EYA2: variants seen among roughly 807,000 people sequenced by gnomAD.
EYA2 encodes protein phosphatase EYA2.
EYA2 carries 31 observed loss-of-function variants against 69.2 expected under a neutral mutation model. That is an observed-to-expected ratio of 0.45 (90% confidence interval 0.34 to 0.60). The LOEUF is 0.60. EYA2 is among the 20% of genes least tolerant of loss of function. The pLI, the probability that EYA2 is intolerant of heterozygous loss-of-function variation, is 0.02. For synonymous variants in EYA2, 257 were observed against 279.4 expected (o/e 0.92, Z 0.80); for missense variants, 622 against 701.2 (o/e 0.89, Z 1.28).
At chr20:46,931,656 C>T (rs1163113847) in intron 1 of EYA2, among the ~76,000 whole-genome samples, 5 of 152,164 alleles carry the variant, frequency 3.3e-5, no homozygotes, top group Non-Finnish European at 7.4e-5. Flanking sequence ...TTCACATACT[C>T]AGACCTGGAA....
chr20:46,968,174 C>A (rs936461051), intron 1 of EYA2, among the ~76,000 whole-genome samples: 2 of 152,168 alleles, frequency 1.3e-5, no homozygotes, highest in Admixed American at 1.3e-4. Flanking sequence ...GTCCTGTGAC[C>A]CTAGGGGGAG....
intron 5 of EYA2, among the ~76,000 whole-genome samples, chr20:47,044,566 G>A (rs946386738): frequency 2.0e-5 from 3 of 152,176 alleles, no homozygotes; most frequent in Non-Finnish European, 4.4e-5. Flanking sequence ...AGGTGGTCAG[G>A]CTGGGTCTCA....
chr20:47,073,451 C>T (rs887243461), intron 6 of EYA2, among the ~76,000 whole-genome samples: 4 of 151,334 alleles, frequency 2.6e-5, no homozygotes, highest in African/African-American at 4.9e-5. Context: ...GTTTGTGTGT[C>T]GTGTGGGTGT....
intron 5 of EYA2, among the ~76,000 whole-genome samples, chr20:47,067,316 C>T (rs775944935): frequency 6.6e-6 from 1 of 151,998 alleles, no homozygotes; most frequent in Admixed American, 6.6e-5. Flanking sequence ...AACAGATGAC[C>T]TCGAATGGAA....
chr20:47,172,670 C>G, intron 11 of EYA2, 37 bp from the exon 12 acceptor site: 1 of 1,567,902 alleles, frequency 6.4e-7, no homozygotes, highest in Non-Finnish European at 8.7e-7. Context: ...CTGCACCCCC[C>G]TGCACTAACA....
intron 1 of EYA2, among the ~76,000 whole-genome samples, chr20:46,954,641 G>A (rs1979007014): frequency 6.6e-6 from 1 of 152,164 alleles, no homozygotes; most frequent in South Asian, 2.1e-4. Flanking sequence ...AACATAAACA[G>A]ATGCTCCTTC....
rs111495475 is a variant in EYA2, at chr20:46,927,321, C to T, written c.-11+32334C>T. 7.8e-3 allele frequency among the ~76,000 whole-genome samples: 1,192 copies of T among 152,304 alleles called. 22 individuals carry two copies. The highest frequency in any genetic ancestry group is 0.027 in the African/African-American group (1,128 of 41,564). On this transcript the variant is annotated intron_variant, in intron 1 of 15. Transcript: ENST00000327619. Reference sequence around the variant, plus strand: ...GGACAGTGTGACATATGAGCCCCGCCGGGATCTCCCGCTGCAGCAGCGAGG... The same window carrying T: ...GGACAGTGTGACATATGAGCCCCGCTGGGATCTCCCGCTGCAGCAGCGAGG...
chr20:46,968,692 G>A (rs1049445582), intron 1 of EYA2, among the ~76,000 whole-genome samples: 5 of 151,956 alleles, frequency 3.3e-5, no homozygotes, highest in South Asian at 2.1e-4. Flanking sequence ...TCTACCCACC[G>A]GATGCCAATA....
At position 46,963,040 on chromosome 20, in the gene EYA2, G is replaced by A. The variant is rs528539423; in HGVS notation, c.-10-26961G>A. Among the ~76,000 whole-genome samples, 11 of 152,318 alleles carry A rather than the reference G, an allele frequency of 7.2e-5. No homozygotes were observed. In the South Asian group the frequency reaches 8.3e-4, roughly 11 times the overall value. ...CTACCCCTCCACCCCGTGGGATGAC[G>A]GCAAGTGGCGTTTTCTACACTGACT... On this transcript the variant is annotated intron_variant, in intron 1 of 15. Coordinates refer to ENST00000327619, the MANE Select transcript of EYA2 (RefSeq NM_005244.5).
chr20:46,923,874 C>T (rs769454516), intron 1 of EYA2, among the ~76,000 whole-genome samples: 7 of 152,154 alleles, frequency 4.6e-5, no homozygotes, highest in Non-Finnish European at 5.9e-5. Flanking sequence ...AAACATGGAA[C>T]GCCTTAGTGA....
chr20:46,957,569 ACACACACAC>A (rs1568686814), intron 1 of EYA2, among the ~76,000 whole-genome samples: 4,783 of 149,542 alleles, frequency 0.032, 275 homozygotes, highest in African/African-American at 0.11. Context: ...ACACACACAC[ACACACACAC>A]GAAGACAATG....
chr20:47,016,485 C>T (rs766109813), intron 5 of EYA2, among the ~76,000 whole-genome samples, 188 bp downstream of exon 5: 4 of 152,022 alleles, frequency 2.6e-5, no homozygotes, highest in African/African-American at 7.2e-5. Context: ...GAGAGACTAA[C>T]GATAAAGTCG....
intron 10 of EYA2, chr20:47,161,047 G>T: frequency 3.4e-6 from 1 of 291,716 alleles, no homozygotes; most frequent in Non-Finnish European, 6.5e-6. Context: ...CAGGGTGGCA[G>T]TGCAGCTGCG....
chr20:47,116,994 A>ATTTT (rs11482114), intron 9 of EYA2, among the ~76,000 whole-genome samples: 2,842 of 116,924 alleles, frequency 0.024, 154 homozygotes, highest in African/African-American at 0.079. Context: ...ATGCATCTGC[A>ATTTT]TTTTTTTTTT....
At position 47,188,601 on chromosome 20, in the gene EYA2, C is replaced by A. The variant is rs561967768; in HGVS notation, c.*468C>A. The A allele has an allele frequency of 4.9e-6, 2 of 404,132 alleles. No individual in the cohort carries two copies. Among genetic ancestry groups the A allele is most frequent in the Non-Finnish European group, 8.8e-6 (2 of 227,844 alleles). The allele number at this position is 404,132 out of a possible 1,614,324, so 25.0% of individuals were successfully genotyped here. ...GGGTGGTTCACAGTTCTAATGTAAG[C>A]ACTCTATTCTCCAAGTTGTGCTTTG... On this transcript the variant is annotated 3_prime_UTR_variant, in exon 16 of 16. Transcript: ENST00000327619.
At chr20:47,185,276 C>CTTTTTTTTTTTTTTTTTTT (rs765083065) in intron 15 of EYA2, among the ~76,000 whole-genome samples, 1 of 55,844 alleles carries the variant, frequency 1.8e-5, no homozygotes, top group Non-Finnish European at 3.2e-5. Context: ...GAATCACACT[C>CTTTTTTTTTTTTTTTTTTT]TTTTTTTTTT....
At chr20:47,159,995 G>A (rs1600755363) in intron 10 of EYA2, among the ~76,000 whole-genome samples, 2 of 150,632 alleles carry the variant, frequency 1.3e-5, no homozygotes, top group South Asian at 4.5e-4. Context: ...AGGTCAGGGA[G>A]GTGATGAACC....
chr20:47,156,127 C>CATAT (rs752111640), intron 10 of EYA2, among the ~76,000 whole-genome samples: 18 of 14,630 alleles, frequency 1.2e-3, no homozygotes, highest in Middle Eastern at 0.023. Flanking sequence ...CACACACACA[C>CATAT]ATATATATAT....
chr20:47,051,331 T>C (rs975273953), intron 5 of EYA2, among the ~76,000 whole-genome samples: 3 of 152,116 alleles, frequency 2.0e-5, no homozygotes, highest in Non-Finnish European at 2.9e-5. Flanking sequence ...TCTAGGTGCA[T>C]TGGGAGGAAG....
Sources: gnomAD v4.1 joint callset for allele counts (sites outside exome capture counted in the v4.1 genomes callset) on GRCh38, gnomAD v4.1.1 for gene constraint, MANE v1.5 for transcripts, NCBI Gene and HGNC (gene_info 2026-07-23, HGNC 2026-07-21) for gene names.